EIF3E: variants seen among roughly 807,000 people sequenced by gnomAD.
The protein encoded by EIF3E is eukaryotic translation initiation factor 3 subunit E, also known as eIF-3 p48.
A neutral mutation model predicts 59.3 loss-of-function variants in EIF3E; 25 were observed. The ratio of observed to expected loss-of-function variants is 0.42; its 90% confidence interval spans 0.31 to 0.59. The LOEUF (loss-of-function observed/expected upper bound fraction) is 0.59, where lower values mean the gene tolerates loss of function less well. Among genes scored for constraint, EIF3E ranks in the 20% least tolerant of loss-of-function variants. The pLI, the probability that EIF3E is intolerant of heterozygous loss-of-function variation, is 0.15. For missense variants in EIF3E, 317 were observed against 534.3 expected (o/e 0.59, Z 4.01); for synonymous variants, 176 against 170.2 (o/e 1.03, Z -0.26).
intron 1 of EIF3E, chr8:108,242,251 T>G: frequency 7.7e-7 from 1 of 1,294,718 alleles, no homozygotes; most frequent in African/African-American, 1.5e-5. Flanking sequence ...ACCCACGCCA[T>G]CTTTCCTGTA....
intron 1 of EIF3E, among the ~76,000 whole-genome samples, chr8:108,245,579 A>G (rs1815933209): frequency 6.6e-6 from 1 of 152,206 alleles, no homozygotes; most frequent in African/African-American, 2.4e-5. Context: ...TAGTATTAAC[A>G]TTTTATTCAT....
intron 6 of EIF3E, among the ~76,000 whole-genome samples, chr8:108,228,791 T>C (rs1388265487): frequency 1.3e-5 from 2 of 152,156 alleles, no homozygotes; most frequent in Non-Finnish European, 2.9e-5. Context: ...ACTAACAGCA[T>C]AGTGTCATTT....
intron 1 of EIF3E, among the ~76,000 whole-genome samples, chr8:108,243,640 A>AG (rs1190573230): frequency 1.5e-4 from 20 of 132,086 alleles, no homozygotes; most frequent in Admixed American, 1.4e-3. Flanking sequence ...AAAAAAAAGA[A>AG]AAAAAAAAAA....
chr8:108,225,981 A>T (rs142129195), intron 7 of EIF3E, among the ~76,000 whole-genome samples: 1 of 152,334 alleles, frequency 6.6e-6, no homozygotes, highest in East Asian at 1.9e-4. Context: ...AATACAGTTA[A>T]GTCCTTAACA....
intron 7 of EIF3E, among the ~76,000 whole-genome samples, chr8:108,218,993 C>T (rs1350585088): frequency 6.6e-6 from 1 of 151,918 alleles, no homozygotes; most frequent in Non-Finnish European, 1.5e-5. Flanking sequence ...ACCGTGTTGG[C>T]CAGGCTGGTC....
chr8:108,234,721 A>C (rs1299692720), intron 5 of EIF3E: 3 of 229,302 alleles, frequency 1.3e-5, no homozygotes, highest in Non-Finnish European at 2.5e-5. Flanking sequence ...AATCCATTAC[A>C]TGATACGATT....
intron 5 of EIF3E, chr8:108,233,710 T>A (rs1471320088): frequency 2.7e-6 from 1 of 376,980 alleles, no homozygotes; most frequent in Non-Finnish European, 5.3e-6. Flanking sequence ...CCATGAGTGG[T>A]GATGCACACT....
chr8:108,236,212 T>TA lies in EIF3E; in HGVS notation c.324-10dup. The TA allele has an allele frequency of 1.2e-6, 2 of 1,606,324 alleles. No individual in the cohort carries two copies. Among genetic ancestry groups the TA allele is most frequent in the South Asian group, 1.1e-5 (1 of 89,342 alleles). On this transcript the variant is annotated splice_polypyrimidine_tract_variant and intron_variant, in intron 3 of 12. Coordinates refer to ENST00000220849, the MANE Select transcript of EIF3E (RefSeq NM_001568.3). ...AGAGCATCCTACCATCCCTAAATAA[T>TA]AAAAAACAAAAATTACATTATTTTA...
chr8:108,237,455 C>T (rs941240447), intron 3 of EIF3E, among the ~76,000 whole-genome samples: 43 of 152,110 alleles, frequency 2.8e-4, no homozygotes, highest in African/African-American at 1.0e-3. Flanking sequence ...TTTCACCACG[C>T]TGGCCGGGCT....
chr8:108,217,321 AT>A lies in EIF3E; in HGVS notation c.849+12del, dbSNP rs759248073. 1.2e-4 allele frequency: 182 copies of A among 1,518,464 alleles called. No individual in the cohort carries two copies. In the Middle Eastern group the frequency reaches 2.6e-3, roughly 22 times the overall value. 94.1% of individuals were successfully genotyped at this position (1,518,464 alleles called of 1,614,324 possible). A position where few individuals can be genotyped will look rare whatever the true frequency, so the allele number is the denominator to read the frequency against. On this transcript the variant is annotated intron_variant, in intron 8 of 12. Transcript: ENST00000220849. ...TATTTAAAAAAAAAAATCAATATAT[AT>A]TTTAGTTTTACCTGTTGAATAACTT... is the stretch of plus-strand genomic sequence containing the variant.
At position 108,248,669 on chromosome 8, in the gene EIF3E, G is replaced by C; in HGVS notation, c.34C>G (p.His12Asp). ...AAGACTAGATGCCGATCCAAAAAGT[G>C]CGCGATGCGAGTAGTCAAGTCGTAC... ...AEYDLTTRIAHFLDRHLVFPL... is the reference protein window; with the variant it reads ...AEYDLTTRIADFLDRHLVFPL... Residue 12 changes from histidine (H) to aspartate (D), a missense_variant, in exon 1 of 13, where the codon CAC (histidine) becomes GAC (aspartate). Around this residue, in one of 4 missense-constraint regions of EIF3E, gnomAD observed 30 missense variants for 22.2 expected, o/e 1.35. Transcript: ENST00000220849. The C allele has an allele frequency of 1.9e-6, 3 of 1,614,196 alleles. No individual in the cohort carries two copies. The highest frequency in any genetic ancestry group is 2.5e-6 in the Non-Finnish European group (3 of 1,180,032).
At position 108,209,013 on chromosome 8, in the gene EIF3E, T is replaced by C. The variant is rs371467133; in HGVS notation, c.1062-5510A>G. On this transcript the variant is annotated intron_variant, in intron 10 of 12. Coordinates refer to ENST00000220849, the MANE Select transcript of EIF3E (RefSeq NM_001568.3). The stretch of plus-strand genomic sequence containing the variant: ...AAAAACATATAAAACATTCTTAATA[T>C]GCATTTTTATAAAGCTGACTATCAC... Among the ~76,000 whole-genome samples, 6 of 152,276 alleles carry C rather than the reference T, an allele frequency of 3.9e-5. No individual in the cohort carries two copies. In the East Asian group the frequency reaches 9.6e-4, roughly 24 times the overall value.
intron 5 of EIF3E, among the ~76,000 whole-genome samples, chr8:108,232,641 TTA>T (rs2129904530): frequency 6.6e-6 from 1 of 152,270 alleles, no homozygotes; most frequent in Admixed American, 6.5e-5. Context: ...CTAGAATGTG[TTA>T]TATGTGTTAG....
intron 10 of EIF3E, among the ~76,000 whole-genome samples, chr8:108,210,439 G>A (rs1316691320): frequency 6.6e-6 from 1 of 152,080 alleles, no homozygotes; most frequent in Non-Finnish European, 1.5e-5. Context: ...TAAAACCTCT[G>A]GCTTAAAGAA....
chr8:108,229,294 C>T (rs1374347058), intron 5 of EIF3E, 99 bp from the exon 6 acceptor site: 6 of 1,190,596 alleles, frequency 5.0e-6, no homozygotes, highest in East Asian at 2.6e-5. Flanking sequence ...TACTAAAAGA[C>T]CTATAGCTTT....
chr8:108,226,390 TCAC>T (rs1815517743), intron 7 of EIF3E: 1 of 152,102 alleles, frequency 6.6e-6, no homozygotes, highest in African/African-American at 2.4e-5. Flanking sequence ...AGATGGAGTT[TCAC>T]CACGTTGACC....
chr8:108,205,248 A>C (rs1339107458), intron 10 of EIF3E, among the ~76,000 whole-genome samples: 1 of 152,148 alleles, frequency 6.6e-6, no homozygotes, highest in Non-Finnish European at 1.5e-5. Flanking sequence ...GACCGTATAC[A>C]TGTAACCAAA....
In EIF3E at chr8:108,235,110, G is replaced by GAA. The variant is rs745400190; in HGVS notation, c.367-10_367-9dup. On this transcript the variant is annotated splice_polypyrimidine_tract_variant and intron_variant, in intron 4 of 12. Transcript: ENST00000220849. ...TAAATATTCCTGCCTAAACTAAAAA[G>GAA]AAAAAAAAAAGATTAAGTTCTCTTT... 34 of 1,380,900 alleles carry GAA rather than the reference G, an allele frequency of 2.5e-5. No homozygotes were observed. Among genetic ancestry groups the GAA allele is most frequent in the Admixed American group, 1.2e-4 (5 of 40,554 alleles). 85.5% of individuals were successfully genotyped at this position (1,380,900 alleles called of 1,614,324 possible).
At chr8:108,203,325 A>G in intron 11 of EIF3E, 76 bp downstream of exon 11, 1 of 1,392,606 alleles carries the variant, frequency 7.2e-7, no homozygotes, top group Non-Finnish European at 1.0e-6. Context: ...AGGAGGTAAT[A>G]AAATGTCCTA....
Sources: gnomAD v4.1 joint callset for allele counts (sites outside exome capture counted in the v4.1 genomes callset) on GRCh38, gnomAD v4.1.1 for gene constraint, gnomAD v4.1.1 regional missense constraint, MANE v1.5 for transcripts, NCBI Gene and HGNC (gene_info 2026-07-23, HGNC 2026-07-21) for gene names.